SLC25A29: variants seen among roughly 807,000 people sequenced by gnomAD.
SLC25A29 encodes solute carrier family 25 member 29.
A neutral mutation model predicts 10.0 loss-of-function variants in SLC25A29; 13 were observed. The ratio of observed to expected loss-of-function variants is 1.30; its 90% CI spans 0.85 to 2.07. The LOEUF (loss-of-function observed/expected upper bound fraction) is 2.07. Among genes scored for constraint, SLC25A29 ranks in the 30% most tolerant of loss-of-function variants. The pLI, the probability that SLC25A29 is intolerant of heterozygous loss-of-function variation, is 0.00. For missense variants in SLC25A29, 475 were observed against 447.6 expected, an observed-to-expected ratio of 1.06 and a Z score of -0.55; for synonymous variants, 244 against 221.1, an observed-to-expected ratio of 1.10 and a Z score of -0.92.
intron 1 of SLC25A29, chr14:100,305,072 C>A (rs1318264385): frequency 1.3e-5 from 2 of 152,366 alleles, no homozygotes; most frequent in African/African-American, 4.8e-5. Context: ...GCAGCAAATT[C>A]TGGGCTTTGT....
chr14:100,301,745 CGTGATCCACCCGCCTCGGCCACCCAAA>C (rs1215600042), intron 1 of SLC25A29, among the ~76,000 whole-genome samples: 2 of 144,122 alleles, frequency 1.4e-5, no homozygotes, highest in Non-Finnish European at 3.1e-5. Context: ...CTCCTGACCT[CGTGATCCACCCGCCTCGGCCACCCAAA>C]GTGCTGGGAT....
chr14:100,285,458 G>T, the SLC25A29 span, among the ~76,000 whole-genome samples: 3 of 151,670 alleles, frequency 2.0e-5, no homozygotes, highest in African/African-American at 7.3e-5. Flanking sequence ...GCTGGGCCGC[G>T]TCCGCTGTGG....
Position 100,296,030 on chromosome 14 carries a change from T to C in SLC25A29, c.79-2653A>G, listed in dbSNP as rs1231327020. On this transcript the variant is annotated intron_variant, in intron 2 of 3. Transcript: ENST00000359232. The stretch of plus-strand genomic sequence containing the variant: ...AACTGTGACTGTCCCAGCCATGAGA[T>C]AGTCTGTGGCCATGTGACAGTACGG... 5 of 1,286,208 alleles carry C rather than the reference T, an allele frequency of 3.9e-6. No individual in the cohort carries two copies. The African/African-American group carries it at 6.1e-5, about 16-fold the overall frequency. 79.7% of individuals were successfully genotyped at this position (1,286,208 alleles called of 1,614,324 possible). A position where few individuals can be genotyped will look rare whatever the true frequency, so the allele number is the denominator to read the frequency against.
intron 2 of SLC25A29, chr14:100,295,678 G>A: frequency 7.8e-7 from 1 of 1,289,562 alleles, no homozygotes; most frequent in Non-Finnish European, 1.0e-6. Flanking sequence ...TTACACTTTT[G>A]CTATGGATGG....
rs764015300 is a variant in SLC25A29 at position 100,295,977 on chromosome 14, C to CTT, written c.79-2602_79-2601dup. ...ATAGAGGAGATCCAGATCTTGGATT[C>CTT]TTTCAGTCCCAAGGGCCTGGGGGAA... is the stretch of plus-strand genomic sequence containing the variant. On this transcript the variant is annotated intron_variant, in intron 2 of 3. Coordinates refer to ENST00000359232, the MANE Select transcript of SLC25A29 (RefSeq NM_001039355.3). 4 of 1,289,734 alleles carry CTT rather than the reference C, an allele frequency of 3.1e-6. No homozygotes were observed. In the South Asian group the frequency reaches 4.9e-5, roughly 16 times the overall value. 79.9% of individuals were successfully genotyped at this position (1,289,734 alleles called of 1,614,324 possible).
rs1372610225 is a variant in SLC25A29, at chr14:100,292,520, G to C, written c.675C>G (p.Ala225=). 14 of 1,591,140 alleles carry C rather than the reference G, an allele frequency of 8.8e-6. No individual in the cohort carries two copies. In the East Asian group the frequency reaches 2.8e-4, roughly 31 times the overall value. The change falls in exon 4 of 4, where the codon GCC becomes GCG. Residue 225 remains alanine (A), a synonymous_variant. Coordinates refer to ENST00000359232, the MANE Select transcript of SLC25A29 (RefSeq NM_001039355.3). ...SRLQADGLRG[A]PRYRGILDCV... ...AGTCCAGGATGCCGCGGTAGCGCGG[G>C]GCGCCCCGCAGTCCGTCCGCCTGCA...
chr14:100,286,303 T>A (rs1172930187), downstream of SLC25A29, among the ~76,000 whole-genome samples: 2 of 152,158 alleles, frequency 1.3e-5, no homozygotes, highest in Non-Finnish European at 2.9e-5. Context: ...GCCAGTACTG[T>A]CACAACACCA....
At chr14:100,293,417 C>A (rs1891919679) in intron 2 of SLC25A29, 40 bp from the exon 3 acceptor site, 1 of 1,585,480 alleles carries the variant, frequency 6.3e-7, no homozygotes, top group South Asian at 1.1e-5. Context: ...GCAGGCAGGA[C>A]CAGAGCACCC....
intron 1 of SLC25A29, chr14:100,305,484 C>G (rs1595377348): frequency 6.6e-6 from 1 of 152,228 alleles, no homozygotes; most frequent in Admixed American, 6.5e-5. Context: ...AGGGAAGTGC[C>G]GTGCCCGACG....
the SLC25A29 span, among the ~76,000 whole-genome samples, chr14:100,283,204 A>G: frequency 6.6e-6 from 1 of 152,276 alleles, no homozygotes; most frequent in Non-Finnish European, 1.5e-5. Context: ...AGCAAAATGC[A>G]GAGCAGAGCT....
chr14:100,298,510 T>G, intron 2 of SLC25A29: 1 of 417,150 alleles, frequency 2.4e-6, no homozygotes, highest in Non-Finnish European at 4.5e-6. Context: ...TTTTTTTGTA[T>G]TTTCTCTCTG....
At chr14:100,281,499 CTTCAGAG>C in the SLC25A29 span, 1 of 152,314 alleles carries the variant, frequency 6.6e-6, no homozygotes, top group African/African-American at 2.4e-5. Flanking sequence ...GAGCGCAGCA[CTTCAGAG>C]TTCAGGCCCA....
At chr14:100,299,777 G>A in intron 1 of SLC25A29, 1 of 985,424 alleles carries the variant, frequency 1.0e-6, no homozygotes. Flanking sequence ...CCTCTCCCTG[G>A]AGTTTCACGT....
Position 100,306,343 on chromosome 14 carries a change from C to A in SLC25A29, c.-111G>T. On this transcript the variant is annotated 5_prime_UTR_variant, in exon 1 of 4. Coordinates refer to ENST00000359232, the MANE Select transcript of SLC25A29 (RefSeq NM_001039355.3). ...CGCGCGGTGCCGGGGCTGGGCCTGG[C>A]CGCTCCTCCTGGCGCGGAGCCCGGG... is the stretch of plus-strand genomic sequence containing the variant. The A allele has an allele frequency of 9.1e-7, 1 of 1,094,158 alleles. No homozygotes were observed. The highest frequency in any genetic ancestry group is 1.2e-6 in the Non-Finnish European group (1 of 861,576). The allele number at this position is 1,094,158 out of a possible 1,614,324, so 67.8% of individuals were successfully genotyped here. A position where few individuals can be genotyped will look rare whatever the true frequency, so the allele number is the denominator to read the frequency against.
chr14:100,302,297 C>T (rs12323908), intron 1 of SLC25A29, among the ~76,000 whole-genome samples: 4,654 of 151,792 alleles, frequency 0.031, 230 homozygotes, highest in African/African-American at 0.11. Flanking sequence ...CCACCTGCCT[C>T]GGCCTCCCAA....
downstream of SLC25A29, among the ~76,000 whole-genome samples, chr14:100,287,661 T>G (rs1891572932): frequency 9.4e-6 from 1 of 106,240 alleles, no homozygotes; most frequent in East Asian, 3.4e-4. Flanking sequence ...CCTCAAGAGG[T>G]CCTCTGGCTT....
downstream of SLC25A29, chr14:100,291,096 T>G (rs1315682433): frequency 1.3e-5 from 2 of 152,314 alleles, no homozygotes; most frequent in Non-Finnish European, 2.9e-5. Flanking sequence ...CTCCACCATA[T>G]GCAAAGGCAG....
downstream of SLC25A29, among the ~76,000 whole-genome samples, chr14:100,289,211 C>G (rs773745800): frequency 6.6e-6 from 1 of 152,236 alleles, no homozygotes; most frequent in Non-Finnish European, 1.5e-5. Context: ...TCAGAGGACA[C>G]TTGGCTATTG....
chr14:100,302,476 C>T (rs770513989), intron 1 of SLC25A29, among the ~76,000 whole-genome samples: 1 of 151,832 alleles, frequency 6.6e-6, no homozygotes, highest in Non-Finnish European at 1.5e-5. Context: ...TCTCCTGCCT[C>T]AGCCTCCTGT....
Sources: allele counts gnomAD v4.1 joint callset (sites outside exome capture counted in the v4.1 genomes callset), GRCh38; gene constraint gnomAD v4.1.1; transcripts MANE v1.5; gene names NCBI Gene and HGNC (gene_info 2026-07-23, HGNC 2026-07-21).